The following TLCD4 variants were observed in gnomAD, a reference collection of about 807,000 sequenced individuals.
TLCD4 encodes the protein TLC domain containing 4.
Under a neutral mutation model 24.2 loss-of-function variants are expected in TLCD4, and 7 were observed. The ratio of observed to expected loss-of-function variants is 0.29; its 90% CI spans 0.16 to 0.54. The LOEUF (loss-of-function observed/expected upper bound fraction) is 0.54. TLCD4 is among the 20% of genes least tolerant of loss of function. TLCD4 has a pLI of 0.95. For synonymous variants in TLCD4, 103 were observed against 106.4 expected, an observed-to-expected ratio of 0.97 and a Z score of 0.20; for missense variants, 259 against 313.9, an observed-to-expected ratio of 0.82 and a Z score of 1.32.
At chr1:95,122,415 C>T (rs1244386434) in intron 1 of TLCD4, among the ~76,000 whole-genome samples, 6 of 152,168 alleles carry the variant, frequency 3.9e-5, no homozygotes, top group Admixed American at 2.6e-4. Context: ...CACCCCAGCA[C>T]GTTGCTTAGT....
At chr1:95,182,825 T>C (rs1045703972) in intron 6 of TLCD4, among the ~76,000 whole-genome samples, 2 of 152,160 alleles carry the variant, frequency 1.3e-5, no homozygotes, top group Non-Finnish European at 2.9e-5. Flanking sequence ...TAAAATGTTT[T>C]AGGACTTTTT....
In TLCD4 at chr1:95,186,831, A is replaced by G. The variant is rs565312765; in HGVS notation, c.474-4719A>G. On this transcript the variant is annotated intron_variant, in intron 6 of 6. Coordinates refer to ENST00000370203, the MANE Select transcript of TLCD4 (RefSeq NM_152487.3). ...AGATAATTTAGCCCTTTTATCCTAC[A>G]TAAACTTATAAAATGTAATACATCT... 3.3e-5 allele frequency among the ~76,000 whole-genome samples: 5 copies of G among 152,364 alleles called. No individual in the cohort carries two copies. The East Asian group carries it at 9.6e-4, about 29-fold the overall frequency.
chr1:95,145,938 A>C (rs139180067), intron 2 of TLCD4, among the ~76,000 whole-genome samples: 15 of 152,304 alleles, frequency 9.8e-5, no homozygotes, highest in Middle Eastern at 6.8e-3. Context: ...TCTTTTTCTC[A>C]AGTTTGCTCC....
intron 1 of TLCD4, among the ~76,000 whole-genome samples, chr1:95,138,819 G>C (rs1677117303): frequency 2.0e-5 from 3 of 151,722 alleles, no homozygotes; most frequent in African/African-American, 7.3e-5. Flanking sequence ...ACATGGTGTA[G>C]ACAGATGCTA....
chr1:95,155,561 G>A (rs1677608131), intron 5 of TLCD4, among the ~76,000 whole-genome samples: 1 of 152,054 alleles, frequency 6.6e-6, no homozygotes, highest in Admixed American at 6.6e-5. Context: ...AAAGTAACAA[G>A]GAATTATGCA....
chr1:95,137,495 ATTCTCTAAG>A (rs1239323200), intron 1 of TLCD4, among the ~76,000 whole-genome samples: 1 of 152,110 alleles, frequency 6.6e-6, no homozygotes, highest in Non-Finnish European at 1.5e-5. Context: ...TATTTGATAT[ATTCTCTAAG>A]GAATCCCTGT....
intron 2 of TLCD4, among the ~76,000 whole-genome samples, chr1:95,144,485 A>G (rs1455398110): frequency 3.3e-5 from 5 of 152,224 alleles, no homozygotes; most frequent in Non-Finnish European, 7.3e-5. Context: ...TCAGGGAACA[A>G]AGTGTACAGT....
chr1:95,136,300 T>C (rs1677039947), intron 1 of TLCD4, among the ~76,000 whole-genome samples: 1 of 152,244 alleles, frequency 6.6e-6, no homozygotes, highest in African/African-American at 2.4e-5. Context: ...CATTGATTTG[T>C]GTCACTTACA....
At chr1:95,112,235 C>T in the TLCD4 span, among the ~76,000 whole-genome samples, 748 of 152,024 alleles carry the variant, frequency 4.9e-3, 8 homozygotes, top group African/African-American at 0.017. Context: ...CCTTCTGCCC[C>T]GTTTGAGAAC....
intron 1 of TLCD4, among the ~76,000 whole-genome samples, chr1:95,125,995 A>G (rs1676722941): frequency 1.3e-5 from 2 of 151,182 alleles, no homozygotes; most frequent in South Asian, 2.1e-4. Flanking sequence ...CTATTAAAAA[A>G]AAAAAAGGAA....
In TLCD4 at chr1:95,194,789, A is replaced by G. The variant is rs1024595640; in HGVS notation, c.*2921A>G. The G allele has an allele frequency of 2.0e-4, 30 of 152,290 alleles. No homozygotes were observed. The highest frequency in any genetic ancestry group is 3.9e-4 in the Admixed American group (6 of 15,294). The allele number at this position is 152,290 out of a possible 1,614,324, so 9.4% of individuals were successfully genotyped here. Reference sequence around the variant, plus strand: ...TGTGAAAATTTGAAAATTATGAGCTATAACTTATAAAGTTTGCCTTCTTAT... The same window carrying G: ...TGTGAAAATTTGAAAATTATGAGCTGTAACTTATAAAGTTTGCCTTCTTAT... On this transcript the variant is annotated 3_prime_UTR_variant, in exon 7 of 7. Coordinates refer to ENST00000370203, the MANE Select transcript of TLCD4 (RefSeq NM_152487.3).
At chr1:95,106,918 CTG>C in the TLCD4 span, among the ~76,000 whole-genome samples, 2 of 152,138 alleles carry the variant, frequency 1.3e-5, no homozygotes, top group African/African-American at 4.8e-5. Context: ...AAAATAATAA[CTG>C]TCATTTTCGA....
Position 95,139,123 on chromosome 1 carries a change from T to A in TLCD4, c.-11-4768T>A, listed in dbSNP as rs1312438493. 2.8e-5 allele frequency among the ~76,000 whole-genome samples: 4 copies of A among 142,360 alleles called. No individual in the cohort carries two copies. In the South Asian group the frequency reaches 8.7e-4, roughly 31 times the overall value. 93.4% of individuals were successfully genotyped at this position (142,360 alleles called of 152,430 possible). ...CTAGAAGTTTGAGGTTATAGTGAGCTATGATTGTGCCACTGCACTCCAGCC... is the reference window on the plus strand; with the variant it reads ...CTAGAAGTTTGAGGTTATAGTGAGCAATGATTGTGCCACTGCACTCCAGCC... On this transcript the variant is annotated intron_variant, in intron 1 of 6. Transcript: ENST00000370203.
intron 2 of TLCD4, among the ~76,000 whole-genome samples, chr1:95,147,276 G>A (rs567829845): frequency 6.6e-6 from 1 of 152,092 alleles, no homozygotes; most frequent in South Asian, 2.1e-4. Flanking sequence ...ATTTCACCAT[G>A]TTGACCAGGC....
intron 5 of TLCD4, among the ~76,000 whole-genome samples, chr1:95,166,510 G>A (rs1678021483): frequency 6.6e-6 from 1 of 152,144 alleles, no homozygotes; most frequent in African/African-American, 2.4e-5. Flanking sequence ...GTTCACGTAA[G>A]GTTATCTTTT....
chr1:95,180,345 A>C (rs573923793), intron 6 of TLCD4, among the ~76,000 whole-genome samples: 89 of 152,198 alleles, frequency 5.8e-4, no homozygotes, highest in Non-Finnish European at 1.2e-3. Context: ...TTTATCTAAA[A>C]GCTTTGAATC....
At chr1:95,137,770 G>A (rs147139675) in intron 1 of TLCD4, among the ~76,000 whole-genome samples, 16 of 142,166 alleles carry the variant, frequency 1.1e-4, no homozygotes, top group African/African-American at 3.6e-4. Flanking sequence ...CGTCTTGCAC[G>A]GTCACCCAGG....
Position 95,191,871 on chromosome 1 carries a change from G to T in TLCD4, c.*3G>T. ...TTCAGAATGGAAAACTTGATTAAAA[G>T]AGTGCTACCGATAAGCAAACTTCAT... On this transcript the variant is annotated 3_prime_UTR_variant, in exon 7 of 7. Coordinates refer to ENST00000370203, the MANE Select transcript of TLCD4 (RefSeq NM_152487.3). The T allele has an allele frequency of 6.2e-7, 1 of 1,609,672 alleles. No homozygotes were observed. Among genetic ancestry groups the T allele is most frequent in the East Asian group, 2.2e-5 (1 of 44,850 alleles).
At chr1:95,104,663 C>CAAAAAAAAAAAAAAAAAAAAAAAAA in the TLCD4 span, among the ~76,000 whole-genome samples, 141 of 40,522 alleles carry the variant, frequency 3.5e-3, 18 homozygotes, top group Non-Finnish European at 4.9e-3. Context: ...GACTCCGTCT[C>CAAAAAAAAAAAAAAAAAAAAAAAAA]AAAAAAAAAA....
Sources: allele counts gnomAD v4.1 joint callset (sites outside exome capture counted in the v4.1 genomes callset), GRCh38; gene constraint gnomAD v4.1.1; transcripts MANE v1.5; gene names NCBI Gene and HGNC (gene_info 2026-07-23, HGNC 2026-07-21).